APH1A: variants seen among roughly 807,000 people sequenced by gnomAD.
The protein encoded by APH1A is gamma-secretase subunit APH-1A.
In APH1A, 16 loss-of-function variants were observed where a neutral mutation model predicts 30.3. That is an observed-to-expected ratio of 0.53 (90% CI 0.36 to 0.80). The LOEUF is 0.80. APH1A is among the 30% of genes least tolerant of loss of function. The pLI is 0.01. For synonymous variants in APH1A, 144 were observed against 140.1 expected, an observed-to-expected ratio of 1.03 and a Z score of -0.20; for missense variants, 245 against 337.8, an observed-to-expected ratio of 0.73 and a Z score of 2.15.
At chr1:150,266,714 T>C (rs1651754890) in intron 5 of APH1A, 58 bp from the exon 6 acceptor site, 11 of 1,582,500 alleles carry the variant, frequency 7.0e-6, no homozygotes, top group South Asian at 1.1e-5. Context: ...CTAATCCCCA[T>C]ATTCTCTCTG....
chr1:150,267,863 T>A, intron 2 of APH1A, 74 bp from the exon 3 acceptor site: 1 of 1,612,620 alleles, frequency 6.2e-7, no homozygotes, highest in Non-Finnish European at 8.5e-7. Context: ...CCTCCCTTAG[T>A]GCCTCCTCTT....
intron 5 of APH1A, 171 bp downstream of exon 5, chr1:150,266,904 C>A (rs1225028650): frequency 1.6e-5 from 19 of 1,176,738 alleles, no homozygotes; most frequent in Non-Finnish European, 2.3e-5. Context: ...CAACCTCCTC[C>A]CCAGAGCAGG....
intron 1 of APH1A, 141 bp from the exon 2 acceptor site, chr1:150,268,268 G>A: frequency 1.1e-6 from 1 of 930,514 alleles, no homozygotes; most frequent in Non-Finnish European, 1.6e-6. Context: ...TAGGGTAACT[G>A]TCTCCACCAA....
At chr1:150,267,865 C>T in intron 2 of APH1A, 76 bp from the exon 3 acceptor site, 2 of 1,612,338 alleles carry the variant, frequency 1.2e-6, no homozygotes, top group South Asian at 2.2e-5. Flanking sequence ...TCCCTTAGTG[C>T]CTCCTCTTCC....
Position 150,268,979 on chromosome 1 carries a change from T to G in APH1A, c.-169A>C. Reference sequence around the variant, plus strand: ...GAAGGGGGGGAACCGAAACCCCAAATGAAGGTCCGCGCCACTTCCTCTACG... The same window carrying G: ...GAAGGGGGGGAACCGAAACCCCAAAGGAAGGTCCGCGCCACTTCCTCTACG... On this transcript the variant is annotated 5_prime_UTR_variant, in exon 1 of 7. Coordinates refer to ENST00000369109, the MANE Select transcript of APH1A (RefSeq NM_001077628.3). The G allele has an allele frequency of 3.4e-6, 2 of 581,376 alleles. No homozygotes were observed. Among genetic ancestry groups the G allele is most frequent in the Non-Finnish European group, 3.1e-6 (1 of 325,874 alleles). 36.0% of individuals were successfully genotyped at this position (581,376 alleles called of 1,614,324 possible).
rs782212229 is a variant in APH1A at position 150,267,795 on chromosome 1, G to A, written c.285-6C>T. 3 of 1,610,876 alleles carry A rather than the reference G, an allele frequency of 1.9e-6. No homozygotes were observed. Among genetic ancestry groups the A allele is most frequent in the Admixed American group, 1.7e-5 (1 of 59,946 alleles). On this transcript the variant is annotated splice_region_variant and splice_polypyrimidine_tract_variant and intron_variant, in intron 2 of 6. Coordinates refer to ENST00000369109, the MANE Select transcript of APH1A (RefSeq NM_001077628.3). ...CTAACCCCTCATCTGCCTTCCTGGG[G>A]TGGGGTGGGGTAGGGGAAACATGAG...
Position 150,268,830 on chromosome 1 carries a change from G to T in APH1A, c.-20C>A, listed in dbSNP as rs2275780. 0.12 allele frequency: 194,344 copies of T among 1,602,014 alleles called. 13,362 individuals are homozygous for T. Among genetic ancestry groups the T allele is most frequent in the East Asian group, 0.34 (14,935 of 44,422 alleles). ...CCCCATGGCTGGTCAGGTGGGAAGG[G>T]GGGTGGGGGCCTGACCAGGACAGGC... On this transcript the variant is annotated 5_prime_UTR_variant, in exon 1 of 7. Coordinates refer to ENST00000369109, the MANE Select transcript of APH1A (RefSeq NM_001077628.3).
rs1406641688 is a variant in APH1A, at chr1:150,265,646, AGAG to A, written c.*481_*483del. ...CAGCACCCTCCACTTCACCTTGGGG[AGAG>A]GAGGGATGCTGGTGGTTAAGGAGGT... On this transcript the variant is annotated 3_prime_UTR_variant, in exon 7 of 7. Transcript: ENST00000369109. 6 of 154,490 alleles carry A rather than the reference AGAG, an allele frequency of 3.9e-5. No homozygotes were observed. The highest frequency in any genetic ancestry group is 1.4e-4 in the African/African-American group (6 of 41,380). 9.6% of individuals were successfully genotyped at this position (154,490 alleles called of 1,614,324 possible). A position where few individuals can be genotyped will look rare whatever the true frequency, so the allele number is the denominator to read the frequency against.
intron 3 of APH1A, 94 bp downstream of exon 3, chr1:150,267,622 G>T: frequency 6.4e-7 from 1 of 1,571,884 alleles, no homozygotes; most frequent in Non-Finnish European, 8.7e-7. Flanking sequence ...ATGAAGGAAA[G>T]TAAGAAGCCA....
intron 1 of APH1A, 50 bp from the exon 2 acceptor site, chr1:150,268,177 G>A (rs1055285642): frequency 6.3e-7 from 1 of 1,585,428 alleles, no homozygotes; most frequent in Non-Finnish European, 8.6e-7. Context: ...GGGAGCCAGA[G>A]AAATCAAGGA....
rs1651690939 is a variant in APH1A, at chr1:150,266,205, G to T, written c.734-11C>A. 1 of 1,593,868 alleles carries T rather than the reference G, an allele frequency of 6.3e-7. No homozygotes were observed. Among genetic ancestry groups the T allele is most frequent in the Non-Finnish European group, 8.5e-7 (1 of 1,170,222 alleles). On this transcript the variant is annotated splice_polypyrimidine_tract_variant and intron_variant, in intron 6 of 6. Coordinates refer to ENST00000369109, the MANE Select transcript of APH1A (RefSeq NM_001077628.3). ...CCTCCTGCCGTCGGCCTGCAGAGGG[G>T]AAGGGAGGTGAGTCTTGGGCAGGGT...
chr1:150,266,339 G>C, intron 6 of APH1A, 145 bp from the exon 7 acceptor site: 1 of 1,484,652 alleles, frequency 6.7e-7, no homozygotes, highest in South Asian at 1.4e-5. Flanking sequence ...GCTGAACCCA[G>C]GCTGCTCCTG....
In APH1A at chr1:150,268,722, A is replaced by G; in HGVS notation, c.89T>C (p.Leu30Pro). 1 of 1,613,188 alleles carries G rather than the reference A, an allele frequency of 6.2e-7. No homozygotes were observed. Among genetic ancestry groups the G allele is most frequent in the South Asian group, 1.1e-5 (1 of 90,946 alleles). ...CCCTGCGACCAGGATGATAACGCGA[A>G]GCGGGTCCCCAGCCACAGTGATCAA... ...LFLITVAGDP[L>P]RVIILVAGAF... The change falls in exon 1 of 7, where the codon CTT becomes CCT. Residue 30 changes from leucine to proline, a missense_variant. Leu to Pro is a moderately conservative substitution (Grantham distance 98). Transcript: ENST00000369109.
chr1:150,268,064 C>A lies in APH1A; in HGVS notation c.177G>T (p.Val59=). The A allele has an allele frequency of 6.2e-7, 1 of 1,614,082 alleles. No homozygotes were observed. Among genetic ancestry groups the A allele is most frequent in the South Asian group, 1.1e-5 (1 of 91,068 alleles). ...GGAGCCGGGCATCTGACCGGTCGGT[C>A]ACATGGACCAAGATGAACCAGACCA... The part of the protein sequence containing the change: ...ASVVWFILVH[V]TDRSDARLQY... Residue 59 remains valine, a synonymous_variant, in exon 2 of 7, where the codon GTG becomes GTT. Transcript: ENST00000369109.
In APH1A at chr1:150,267,187, G is replaced by A; in HGVS notation, c.497C>T (p.Ala166Val). ...CCAAAAGGTATGGAGCAGGATAATG[G>A]CTGCTGTCAGAAAGGCTGCAGGGAG... ...YFLTSAFLTAAIILLHTFWGV... is the reference protein window; with the variant it reads ...YFLTSAFLTAVIILLHTFWGV... The change falls in exon 5 of 7, where the codon GCC (alanine) becomes GTC (valine). Residue 166 changes from alanine to valine, a missense_variant. Coordinates refer to ENST00000369109, the MANE Select transcript of APH1A (RefSeq NM_001077628.3). 1 of 1,614,206 alleles carries A rather than the reference G, an allele frequency of 6.2e-7. No homozygotes were observed. The highest frequency in any genetic ancestry group is 2.2e-5 in the East Asian group (1 of 44,888).
rs782761582 is a variant in APH1A, at chr1:150,269,010, C to T, written c.-200G>A. ...TCCGCGCCACTTCCTCTACGGAAGCCGAAGAGGGGACAAATCCCGGCCGCA... is the reference window on the plus strand; with the variant it reads ...TCCGCGCCACTTCCTCTACGGAAGCTGAAGAGGGGACAAATCCCGGCCGCA... On this transcript the variant is annotated 5_prime_UTR_variant, in exon 1 of 7. Transcript: ENST00000369109. The T allele has an allele frequency of 3.8e-6, 2 of 532,292 alleles. No individual in the cohort carries two copies. The highest frequency in any genetic ancestry group is 6.8e-6 in the Non-Finnish European group (2 of 292,810). The allele number at this position is 532,292 out of a possible 1,614,324, so 33.0% of individuals were successfully genotyped here. A position where few individuals can be genotyped will look rare whatever the true frequency, so the allele number is the denominator to read the frequency against.
intron 4 of APH1A, 70 bp downstream of exon 4, chr1:150,267,286 G>A: frequency 6.2e-7 from 1 of 1,612,846 alleles, no homozygotes; most frequent in Non-Finnish European, 8.5e-7. Flanking sequence ...GTCTCTCAGG[G>A]AAGGCCAATA....
Position 150,266,052 on chromosome 1 carries a change from C to G in APH1A, c.*78G>C. The G allele has an allele frequency of 6.6e-7, 1 of 1,521,190 alleles. No individual in the cohort carries two copies. The highest frequency in any genetic ancestry group is 8.9e-7 in the Non-Finnish European group (1 of 1,126,748). 94.2% of individuals were successfully genotyped at this position (1,521,190 alleles called of 1,614,324 possible). On this transcript the variant is annotated 3_prime_UTR_variant, in exon 7 of 7. Coordinates refer to ENST00000369109, the MANE Select transcript of APH1A (RefSeq NM_001077628.3). ...CCCTTTTCTTGGCAACCTGCACTGTCCAGAACTGGAGATGGAGAAATACAG... is the reference window on the plus strand; with the variant it reads ...CCCTTTTCTTGGCAACCTGCACTGTGCAGAACTGGAGATGGAGAAATACAG...
chr1:150,265,797 G>A lies in APH1A; in HGVS notation c.*333C>T, dbSNP rs1388977151. ...AGCCATGAGGAGCAACTCGAGGAGA[G>A]AAAATATAGCCCAAGGAGGTTAGAA... On this transcript the variant is annotated 3_prime_UTR_variant, in exon 7 of 7. Transcript: ENST00000369109. 1 of 252,538 alleles carries A rather than the reference G, an allele frequency of 4.0e-6. No homozygotes were observed. Among genetic ancestry groups the A allele is most frequent in the Non-Finnish European group, 7.6e-6 (1 of 132,166 alleles). The allele number at this position is 252,538 out of a possible 1,614,324, so 15.6% of individuals were successfully genotyped here. A position where few individuals can be genotyped will look rare whatever the true frequency, so the allele number is the denominator to read the frequency against.
Sources: gnomAD v4.1 joint callset for allele counts on GRCh38, gnomAD v4.1.1 for gene constraint, MANE v1.5 for transcripts, NCBI Gene and HGNC (gene_info 2026-07-23, HGNC 2026-07-21) for gene names.